Variants in TMED10 observed in about 807,000 individuals in gnomAD.
TMED10 encodes transmembrane p24 trafficking protein 10, also known as transmembrane emp24 domain-containing protein 10.
A neutral mutation model predicts 23.1 loss-of-function variants in TMED10; 7 were observed. The ratio of observed to expected loss-of-function variants is 0.30; its 90% CI spans 0.17 to 0.57. The LOEUF (loss-of-function observed/expected upper bound fraction) is 0.57, where lower values mean the gene tolerates loss of function less well. Ranked by LOEUF, TMED10 falls within the 20% of genes least tolerant of loss-of-function variation. The pLI is 0.91. For synonymous variants in TMED10, 113 were observed against 106.9 expected, an observed-to-expected ratio of 1.06 and a Z score of -0.35; for missense variants, 162 against 274.8, an observed-to-expected ratio of 0.59 and a Z score of 2.90.
chr14:75,138,061 C>T (rs1225696361), intron 3 of TMED10, among the ~76,000 whole-genome samples: 1 of 152,154 alleles, frequency 6.6e-6, no homozygotes, highest in Non-Finnish European at 1.5e-5. Context: ...ACTGTACATT[C>T]CCTATGGCCC....
chr14:75,135,854 C>T lies in TMED10; in HGVS notation c.444G>A (p.Glu148=). The T allele has an allele frequency of 1.9e-6, 3 of 1,614,000 alleles. No individual in the cohort carries two copies. Among genetic ancestry groups the T allele is most frequent in the Non-Finnish European group, 2.5e-6 (3 of 1,179,994 alleles). Residue 148 remains glutamate, a synonymous_variant, in exon 4 of 5, where the codon GAG becomes GAA. Transcript: ENST00000303575. The stretch of plus-strand genomic sequence containing the variant: ...GGTCTTCTAGGCGTCGCAGCTCTAC[C>T]TCTAATGGTTTGAGCTTCTCAACTT... The part of the protein sequence containing the change: ...IAKVEKLKPL[E]VELRRLEDLS...
intron 2 of TMED10, among the ~76,000 whole-genome samples, chr14:75,151,244 G>T (rs959707742): frequency 9.0e-5 from 13 of 145,246 alleles, no homozygotes; most frequent in African/African-American, 3.1e-4. Context: ...TTTTTGAGAT[G>T]GAGTCTCACT....
At position 75,147,449 on chromosome 14, in the gene TMED10, C is replaced by A. The variant is rs1301656534; in HGVS notation, c.411+215G>T. On this transcript the variant is annotated intron_variant, in intron 3 of 4. Transcript: ENST00000303575. ...CCTCAGGCGATCCACCCGCCTTGGCCTCCCAAAGTGCTGGGATTACAGGAG... is the reference window on the plus strand; with the variant it reads ...CCTCAGGCGATCCACCCGCCTTGGCATCCCAAAGTGCTGGGATTACAGGAG... 3 of 585,142 alleles carry A rather than the reference C, an allele frequency of 5.1e-6. No homozygotes were observed. The African/African-American group carries it at 5.6e-5, about 11-fold the overall frequency. 36.2% of individuals were successfully genotyped at this position (585,142 alleles called of 1,614,324 possible). A position where few individuals can be genotyped will look rare whatever the true frequency, so the allele number is the denominator to read the frequency against.
At chr14:75,135,047 C>T (rs1415123242) in intron 4 of TMED10, 41 bp from the exon 5 acceptor site, 6 of 1,609,148 alleles carry the variant, frequency 3.7e-6, no homozygotes, top group Non-Finnish European at 5.1e-6. Context: ...ATGAAGTGAG[C>T]CTCCTCAGCT....
At chr14:75,139,233 A>G in intron 3 of TMED10, 1 of 422,896 alleles carries the variant, frequency 2.4e-6, no homozygotes. Flanking sequence ...ATGGCATACT[A>G]CACACATTGT....
intron 1 of TMED10, among the ~76,000 whole-genome samples, chr14:75,168,721 T>C (rs1308087214): frequency 2.0e-5 from 3 of 152,190 alleles, no homozygotes; most frequent in Non-Finnish European, 4.4e-5. Flanking sequence ...ATCTAGTCTC[T>C]ACCATACCAC....
At chr14:75,172,167 T>C (rs1025467483) in intron 1 of TMED10, among the ~76,000 whole-genome samples, 7 of 152,218 alleles carry the variant, frequency 4.6e-5, no homozygotes, top group Non-Finnish European at 7.4e-5. Context: ...AACAATTCAA[T>C]TGCAAGGATA....
chr14:75,143,675 T>G (rs1373712032), intron 3 of TMED10, among the ~76,000 whole-genome samples: 1 of 152,182 alleles, frequency 6.6e-6, no homozygotes, highest in African/African-American at 2.4e-5. Context: ...GGCTCATGCC[T>G]GTAATCCCAG....
At chr14:75,150,852 T>TA (rs1056850692) in intron 2 of TMED10, among the ~76,000 whole-genome samples, 6 of 152,176 alleles carry the variant, frequency 3.9e-5, no homozygotes, top group African/African-American at 1.4e-4. Flanking sequence ...GTCTCCTTTG[T>TA]AAAAGGACCC....
chr14:75,172,499 G>A (rs370139400), intron 1 of TMED10, among the ~76,000 whole-genome samples: 14 of 151,866 alleles, frequency 9.2e-5, no homozygotes, highest in East Asian at 7.7e-4. Context: ...TAGTAGAGAC[G>A]GGGTTTCACC....
chr14:75,149,486 A>T (rs1895929786), intron 2 of TMED10, among the ~76,000 whole-genome samples: 1 of 151,810 alleles, frequency 6.6e-6, no homozygotes, highest in South Asian at 2.1e-4. Context: ...CCACTCTGCG[A>T]TGTTCTGTTA....
rs1188921676 is a variant in TMED10, at chr14:75,131,620, C to T, written c.*3265G>A. On this transcript the variant is annotated 3_prime_UTR_variant, in exon 5 of 5. Transcript: ENST00000303575. ...GGTCCATGACAATGGTATAACAAGG[C>T]TTACTTAAACTGCATCATTCTCATT... The T allele has an allele frequency of 6.6e-6, 1 of 152,542 alleles. No homozygotes were observed. Among genetic ancestry groups the T allele is most frequent in the Non-Finnish European group, 1.5e-5 (1 of 68,040 alleles). 9.4% of individuals were successfully genotyped at this position (152,542 alleles called of 1,614,324 possible).
rs1896303831 is a variant in TMED10, at chr14:75,176,239, C to T, written c.225+116G>A. The T allele has an allele frequency of 1.1e-5, 15 of 1,319,876 alleles. 1 individual carries two copies. In the South Asian group the frequency reaches 1.7e-4, roughly 15 times the overall value. The allele number at this position is 1,319,876 out of a possible 1,614,324, so 81.8% of individuals were successfully genotyped here. A position where few individuals can be genotyped will look rare whatever the true frequency, so the allele number is the denominator to read the frequency against. ...GGCTCCACCGCACGTCCTTTGCGCT[C>T]CCGGGAGGCCAGAACAACTCCCAGG... On this transcript the variant is annotated intron_variant, in intron 1 of 4. Coordinates refer to ENST00000303575, the MANE Select transcript of TMED10 (RefSeq NM_006827.6).
chr14:75,176,357 T>C lies in TMED10; in HGVS notation c.223A>G (p.Lys75Glu), dbSNP rs183923602. Residue 75 changes from lysine to glutamate, a missense_variant and splice_region_variant, in exon 1 of 5, where the codon AAG (lysine) becomes GAG (glutamate). Around this residue, in one of 2 missense-constraint regions of TMED10, gnomAD observed 126 missense variants for 239.5 expected, o/e 0.53. Transcript: ENST00000303575. ...CCCCACGTCGCCCAATGCCGCACCT[T>C]GAGGTGGCTGCGCAGGCCGCCAGCG... ...GGAGGLRSHLKITDSAGHILY... is the reference protein window; with the variant it reads ...GGAGGLRSHLEITDSAGHILY... 1.4e-5 allele frequency: 23 copies of C among 1,614,054 alleles called. No homozygotes were observed. The highest frequency in any genetic ancestry group is 2.5e-6 in the Non-Finnish European group (3 of 1,179,980).
intron 1 of TMED10, among the ~76,000 whole-genome samples, chr14:75,161,142 A>G (rs1034543843): frequency 6.6e-6 from 1 of 152,242 alleles, no homozygotes; most frequent in Non-Finnish European, 1.5e-5. Context: ...GAGAAGTGCG[A>G]AAACAGGTAA....
intron 1 of TMED10, among the ~76,000 whole-genome samples, chr14:75,166,693 T>C (rs1456983930): frequency 2.0e-5 from 3 of 152,162 alleles, no homozygotes; most frequent in Non-Finnish European, 4.4e-5. Context: ...GCTAGGAACT[T>C]TGTATATAAT....
At chr14:75,171,901 G>A (rs1335370788) in intron 1 of TMED10, among the ~76,000 whole-genome samples, 1 of 151,534 alleles carries the variant, frequency 6.6e-6, no homozygotes, top group Non-Finnish European at 1.5e-5. Context: ...ACCCTCGACA[G>A]AAAGATTAAA....
intron 3 of TMED10, among the ~76,000 whole-genome samples, chr14:75,145,722 G>A (rs960800612): frequency 2.0e-5 from 3 of 152,176 alleles, no homozygotes; most frequent in African/African-American, 7.2e-5. Context: ...GGGAGGCGGA[G>A]CTTGCAGTGA....
chr14:75,138,812 C>CTTTTTTT (rs59707221), intron 3 of TMED10, among the ~76,000 whole-genome samples: 77 of 95,020 alleles, frequency 8.1e-4, no homozygotes, highest in Non-Finnish European at 1.1e-3. Context: ...GCCTTTGCTT[C>CTTTTTTT]TTTTTTTTTT....
Sources: gnomAD v4.1 joint callset for allele counts (sites outside exome capture counted in the v4.1 genomes callset) on GRCh38, gnomAD v4.1.1 for gene constraint, gnomAD v4.1.1 regional missense constraint, MANE v1.5 for transcripts, NCBI Gene and HGNC (gene_info 2026-07-23, HGNC 2026-07-21) for gene names.